SIL1: variants seen among roughly 807,000 people sequenced by gnomAD.
SIL1 encodes the protein nucleotide exchange factor SIL1.
In SIL1, 40 loss-of-function variants were observed where a neutral mutation model predicts 49.1. The ratio of observed to expected loss-of-function variants is 0.81; its 90% CI spans 0.63 to 1.06. The LOEUF is 1.06. Among genes scored for constraint, SIL1 ranks in the 50% least tolerant of loss-of-function variants. The pLI is 0.00. For missense variants in SIL1, 500 were observed against 572.6 expected (o/e 0.87, Z 1.29); for synonymous variants, 253 against 250.8 (o/e 1.01, Z -0.08).
intron 7 of SIL1, among the ~76,000 whole-genome samples, chr5:138,991,174 G>T (rs757780956): frequency 6.6e-6 from 1 of 152,256 alleles, no homozygotes; most frequent in African/African-American, 2.4e-5. Context: ...TGGCGTGTTG[G>T]CCAGATGCTC....
At chr5:138,985,173 A>C (rs1371381946) in intron 7 of SIL1, among the ~76,000 whole-genome samples, 1 of 152,172 alleles carries the variant, frequency 6.6e-6, no homozygotes, top group African/African-American at 2.4e-5. Flanking sequence ...TATTTTAAGT[A>C]TGTTCAATTT....
chr5:139,091,066 A>G (rs1770331722), intron 3 of SIL1, among the ~76,000 whole-genome samples: 1 of 152,242 alleles, frequency 6.6e-6, no homozygotes, highest in Non-Finnish European at 1.5e-5. Context: ...ACCAAAAGAA[A>G]GCATAGGTCA....
intron 1 of SIL1, among the ~76,000 whole-genome samples, chr5:139,138,917 T>A (rs536396061): frequency 1.5e-4 from 23 of 152,338 alleles, no homozygotes; most frequent in African/African-American, 5.1e-4. Flanking sequence ...GACTATACTC[T>A]GGGTGGTTAC....
intron 3 of SIL1, among the ~76,000 whole-genome samples, chr5:139,063,634 T>A (rs762593060): frequency 3.9e-5 from 6 of 152,254 alleles, no homozygotes; most frequent in Non-Finnish European, 8.8e-5. Context: ...TAATGAGCTT[T>A]ACTTCATAAT....
intron 3 of SIL1, among the ~76,000 whole-genome samples, chr5:139,088,591 T>C (rs965291017): frequency 6.6e-6 from 1 of 152,184 alleles, no homozygotes; most frequent in African/African-American, 2.4e-5. Context: ...GACTCCCAAC[T>C]AGACTGCCTA....
At chr5:139,022,913 C>G (rs1768560861) in intron 6 of SIL1, among the ~76,000 whole-genome samples, 2 of 152,162 alleles carry the variant, frequency 1.3e-5, no homozygotes, top group Non-Finnish European at 2.9e-5. Context: ...TGTCCTTCCT[C>G]TGGGTTTTCT....
chr5:139,018,967 A>C (rs1393580651), intron 7 of SIL1, among the ~76,000 whole-genome samples: 3 of 152,186 alleles, frequency 2.0e-5, no homozygotes, highest in Non-Finnish European at 2.9e-5. Context: ...AACTAGATTG[A>C]CTGTAGGTCC....
At chr5:139,160,925 C>T (rs1487882121) in intron 1 of SIL1, among the ~76,000 whole-genome samples, 3 of 152,112 alleles carry the variant, frequency 2.0e-5, no homozygotes, top group Non-Finnish European at 4.4e-5. Context: ...AGGGGATAGT[C>T]AGTAACTAAA....
chr5:138,966,524 T>C (rs966840172), intron 7 of SIL1, among the ~76,000 whole-genome samples: 5 of 151,894 alleles, frequency 3.3e-5, no homozygotes, highest in Non-Finnish European at 7.4e-5. Flanking sequence ...GGTGGTGACT[T>C]TCCAAAGTGA....
intron 3 of SIL1, among the ~76,000 whole-genome samples, chr5:139,077,385 C>A (rs948013967): frequency 2.0e-5 from 3 of 152,178 alleles, no homozygotes; most frequent in African/African-American, 7.2e-5. Flanking sequence ...ATTTCCCCTA[C>A]ATTTCTACTA....
intron 7 of SIL1, among the ~76,000 whole-genome samples, chr5:139,001,138 G>C (rs767154430): frequency 6.6e-6 from 1 of 151,978 alleles, no homozygotes; most frequent in Non-Finnish European, 1.5e-5. Flanking sequence ...TTCAAAAGAA[G>C]AATGAGATAC....
At chr5:139,147,065 T>C (rs925929297) in intron 1 of SIL1, among the ~76,000 whole-genome samples, 2 of 152,128 alleles carry the variant, frequency 1.3e-5, no homozygotes, top group Admixed American at 6.5e-5. Context: ...GATGAACAAA[T>C]AGGTGAATAA....
chr5:139,013,857 C>T (rs562260646), intron 7 of SIL1: 1 of 152,214 alleles, frequency 6.6e-6, no homozygotes, highest in Non-Finnish European at 1.5e-5. Context: ...ATCAAACAAA[C>T]TCAAAGCACA....
intron 1 of SIL1, among the ~76,000 whole-genome samples, chr5:139,156,626 G>C (rs1328404378): frequency 6.6e-6 from 1 of 152,190 alleles, no homozygotes; most frequent in Non-Finnish European, 1.5e-5. Context: ...ATTTGACAGA[G>C]ACACAGAAAA....
intron 7 of SIL1, among the ~76,000 whole-genome samples, chr5:139,000,381 G>A (rs1007598326): frequency 9.2e-5 from 14 of 152,164 alleles, no homozygotes; most frequent in African/African-American, 3.1e-4. Context: ...TAAAGCTACA[G>A]TAATTAAAAT....
chr5:139,085,768 T>A (rs1770204181), intron 3 of SIL1, among the ~76,000 whole-genome samples: 1 of 151,694 alleles, frequency 6.6e-6, no homozygotes, highest in Non-Finnish European at 1.5e-5. Context: ...GCACAGCAAG[T>A]GAGGATGAGG....
At chr5:139,166,803 C>G (rs1282760372) in intron 1 of SIL1, among the ~76,000 whole-genome samples, 7 of 151,676 alleles carry the variant, frequency 4.6e-5, no homozygotes, top group Non-Finnish European at 1.5e-5. Context: ...CACCAGCACA[C>G]CTGGCAATGT....
At chr5:139,096,906 T>C (rs1209610066) in intron 3 of SIL1, among the ~76,000 whole-genome samples, 1 of 151,858 alleles carries the variant, frequency 6.6e-6, no homozygotes, top group Non-Finnish European at 1.5e-5. Flanking sequence ...GATTCCAGGA[T>C]CTGACTCTTG....
In SIL1 at chr5:139,051,005, G is replaced by C. The variant is rs1224037934; in HGVS notation, c.286C>G (p.Gln96Glu). The C allele has an allele frequency of 6.2e-7, 1 of 1,614,054 alleles. No individual in the cohort carries two copies. Among genetic ancestry groups the C allele is most frequent in the Non-Finnish European group, 8.5e-7 (1 of 1,180,036 alleles). The change falls in exon 4 of 10, where the codon CAG (glutamine) becomes GAG (glutamate). Residue 96 changes from glutamine to glutamate, a missense_variant. By Grantham distance (29) the Gln-to-Glu change is conservative. Transcript: ENST00000394817. ...AGTTTTGCCTCTCTTTCCCCAGTCT[G>C]AAGATTCAGCCGTACGTGGGATCCT... is the stretch of plus-strand genomic sequence containing the variant. Reference protein sequence around the residue: ...PAGSHVRLNLQTGEREAKLQY... With the variant: ...PAGSHVRLNLETGEREAKLQY...
Sources: gnomAD v4.1 joint callset for allele counts (sites outside exome capture counted in the v4.1 genomes callset) on GRCh38, gnomAD v4.1.1 for gene constraint, MANE v1.5 for transcripts, NCBI Gene and HGNC (gene_info 2026-07-23, HGNC 2026-07-21) for gene names.